Variants in HTD2 observed in about 807,000 individuals in gnomAD.
The protein encoded by HTD2 is hydroxyacyl-thioester dehydratase type 2, also known as hydroxyacyl-thioester dehydratase type 2, mitochondrial.
A neutral mutation model predicts 3.1 loss-of-function variants in HTD2; 1 was observed. The ratio of observed to expected loss-of-function variants is 0.32; its 90% CI spans 0.11 to 1.52. The LOEUF is 1.52. HTD2 is among the 40% of genes most tolerant of loss of function. The pLI is 0.39. For missense variants in HTD2, 150 were observed against 79.6 expected, an observed-to-expected ratio of 1.88 and a Z score of -3.36; for synonymous variants, 50 against 28.9, an observed-to-expected ratio of 1.73 and a Z score of -2.34.
chr3:58,310,268 C>T, intron 1 of HTD2: 2 of 1,447,036 alleles, frequency 1.4e-6, no homozygotes, highest in Middle Eastern at 1.8e-4. Context: ...TGAAAAATAG[C>T]ATGTGCATTG....
rs34820106 is a variant in HTD2 at position 58,318,495 on chromosome 3, CAA to C, written c.*395_*396del. 18 of 83,860 alleles carry C rather than the reference CAA, an allele frequency of 2.1e-4. No individual in the cohort carries two copies. The highest frequency in any genetic ancestry group is 4.9e-4 in the South Asian group (1 of 2,052). 5.2% of individuals were successfully genotyped at this position (83,860 alleles called of 1,614,324 possible). A position where few individuals can be genotyped will look rare whatever the true frequency, so the allele number is the denominator to read the frequency against. The stretch of plus-strand genomic sequence containing the variant: ...CAACATGGTGAAACCCCATCTCTAC[CAA>C]AAAAAAAAAAAAAAAAAAAGTGCAA... On this transcript the variant is annotated 3_prime_UTR_variant, in exon 5 of 5. Coordinates refer to ENST00000461393, the MANE Select transcript of HTD2 (RefSeq NM_001348712.2).
chr3:58,313,028 C>T (rs527594046), intron 2 of HTD2, among the ~76,000 whole-genome samples: 1 of 149,574 alleles, frequency 6.7e-6, no homozygotes, highest in Non-Finnish European at 1.5e-5. Context: ...CTTTGGGAGG[C>T]CAAGGCAGGC....
At chr3:58,306,249 C>A (rs1480037557), upstream of HTD2, 1 of 152,272 alleles carries the variant, frequency 6.6e-6, no homozygotes, top group Non-Finnish European at 1.5e-5. Flanking sequence ...GACGTCATAT[C>A]CGCCTGGGCG....
intron 1 of HTD2, among the ~76,000 whole-genome samples, chr3:58,309,390 C>A (rs1047218056): frequency 1.1e-4 from 16 of 152,152 alleles, no homozygotes; most frequent in Non-Finnish European, 1.5e-4. Context: ...ACCTCAGGAG[C>A]ATTTTGAAGA....
At position 58,310,475 on chromosome 3, in the gene HTD2, AAT is replaced by A. The variant is rs766822363; in HGVS notation, c.-415-29_-415-28del. On this transcript the variant is annotated intron_variant, in intron 1 of 4. Transcript: ENST00000461393. ...CATGAATCTGAATAGAATGAAATTT[AAT>A]ATGACTTTTTTTTTTTTCACTTTTT... 1.5e-5 allele frequency: 24 copies of A among 1,586,860 alleles called. No individual in the cohort carries two copies. In the African/African-American group the frequency reaches 2.5e-4, roughly 17 times the overall value.
Position 58,317,871 on chromosome 3 carries a change from T to G in HTD2, c.258T>G (p.Val86=). Residue 86 remains valine (V), a synonymous_variant, in exon 5 of 5, where the codon GTT becomes GTG. Transcript: ENST00000461393. ...TTGGAAATACAATTGTACATGGAGT[T>G]TTGATCAACGGACTTATCTCAGCTC... ...TKFGNTIVHG[V]LINGLISALL... is the part of the protein sequence containing the mutation. 1.4e-6 allele frequency: 1 copy of G among 703,034 alleles called. No individual in the cohort carries two copies. 43.5% of individuals were successfully genotyped at this position (703,034 alleles called of 1,614,324 possible). A position where few individuals can be genotyped will look rare whatever the true frequency, so the allele number is the denominator to read the frequency against.
chr3:58,312,343 C>T (rs562545059), intron 2 of HTD2, among the ~76,000 whole-genome samples: 2 of 128,342 alleles, frequency 1.6e-5, no homozygotes, highest in South Asian at 7.1e-4. Context: ...CACCCCCCCC[C>T]GCCCCTCCCG....
intron 2 of HTD2, 125 bp from the exon 3 acceptor site, chr3:58,316,390 C>G (rs1480615142): frequency 4.9e-6 from 4 of 822,356 alleles, no homozygotes; most frequent in Non-Finnish European, 6.0e-6. Context: ...AAAGTGCCAG[C>G]ACCATTAAAT....
At chr3:58,307,430 A>C (rs1412726042) in intron 1 of HTD2, among the ~76,000 whole-genome samples, 1 of 152,232 alleles carries the variant, frequency 6.6e-6, no homozygotes, top group East Asian at 1.9e-4. Context: ...CCACTAAAAA[A>C]GGCTGACTCT....
chr3:58,317,067 AT>A, intron 4 of HTD2, 74 bp downstream of exon 4: 1 of 1,056,004 alleles, frequency 9.5e-7, no homozygotes, highest in Non-Finnish European at 1.4e-6. Context: ...TACACAACTC[AT>A]TTTTGTGCTT....
chr3:58,310,126 G>A (rs531920880), intron 1 of HTD2: 9 of 564,090 alleles, frequency 1.6e-5, no homozygotes, highest in Admixed American at 6.2e-5. Context: ...CCTGAGCCTC[G>A]AGAGCCAGAG....
intron 2 of HTD2, among the ~76,000 whole-genome samples, chr3:58,315,971 C>T (rs547786022): frequency 3.3e-5 from 5 of 152,214 alleles, no homozygotes; most frequent in South Asian, 2.1e-4. Flanking sequence ...CCACTGTGCC[C>T]GGCCAATCCC....
upstream of HTD2, chr3:58,306,474 C>G (rs1338939926): frequency 6.6e-6 from 1 of 152,322 alleles, no homozygotes; most frequent in Non-Finnish European, 1.5e-5. Flanking sequence ...CAGTTGGCCG[C>G]GACCCGGGCG....
upstream of HTD2, chr3:58,306,517 C>T (rs372915993): frequency 3.3e-5 from 5 of 152,256 alleles, no homozygotes; most frequent in Admixed American, 1.3e-4. Flanking sequence ...CCTTGGGTAG[C>T]TTGTCCTCTC....
chr3:58,317,458 G>A lies in HTD2; in HGVS notation c.-156G>A. On this transcript the variant is annotated 5_prime_UTR_variant, in exon 5 of 5. Coordinates refer to ENST00000461393, the MANE Select transcript of HTD2 (RefSeq NM_001348712.2). ...CTTCTAGGTTTCTCCATTTCTTCTT[G>A]CATTATCTGGTAATAGTAGGGAACT... 6.2e-7 allele frequency: 1 copy of A among 1,601,220 alleles called. No individual in the cohort carries two copies. The highest frequency in any genetic ancestry group is 1.1e-5 in the South Asian group (1 of 90,642).
intron 1 of HTD2, chr3:58,308,001 A>C (rs918133739): frequency 3.5e-4 from 53 of 152,020 alleles, no homozygotes; most frequent in African/African-American, 1.3e-3. Context: ...TTTTACTGGC[A>C]TCTAAGCCCT....
intron 1 of HTD2, chr3:58,310,245 C>A: frequency 1.5e-6 from 2 of 1,332,658 alleles, no homozygotes; most frequent in Non-Finnish European, 2.1e-6. Context: ...AGGCCAAATT[C>A]TCATCAAAAC....
At chr3:58,307,880 T>C (rs1026843063) in intron 1 of HTD2, 3 of 150,714 alleles carry the variant, frequency 2.0e-5, no homozygotes, top group African/African-American at 7.4e-5. Flanking sequence ...TTTTTTTTTT[T>C]AATTGCAAAA....
chr3:58,312,334 A>ACCCCCCCCCCCCCCC (rs76719108), intron 2 of HTD2, among the ~76,000 whole-genome samples: 5 of 69,704 alleles, frequency 7.2e-5, no homozygotes, highest in Admixed American at 1.7e-4. Context: ...CAACCTCCGC[A>ACCCCCCCCCCCCCCC]CCCCCCCCCG....
Sources: allele counts gnomAD v4.1 joint callset (sites outside exome capture counted in the v4.1 genomes callset), GRCh38; gene constraint gnomAD v4.1.1; transcripts MANE v1.5; gene names NCBI Gene and HGNC (gene_info 2026-07-23, HGNC 2026-07-21).